The following TTN variants were observed in gnomAD, a reference collection of about 807,000 sequenced individuals.
The protein encoded by TTN is titin.
Under a neutral mutation model 3,223.0 loss-of-function variants are expected in TTN, and 1,525 were observed. That is an observed-to-expected ratio of 0.47 (90% CI 0.45 to 0.49). The LOEUF (loss-of-function observed/expected upper bound fraction) is 0.49. TTN is among the 20% of genes least tolerant of loss of function. The pLI, the probability that TTN is intolerant of heterozygous loss-of-function variation, is 0.00. For missense variants in TTN, 40,786 were observed against 43,424.0 expected (o/e 0.94, Z 5.40); for synonymous variants, 14,094 against 15,161.0 (o/e 0.93, Z 5.17).
At position 178,574,403 on chromosome 2, in the gene TTN, C is replaced by T. The variant is rs1060500509; in HGVS notation, c.71729G>A (p.Ser23910Asn). The T allele has an allele frequency of 2.5e-6, 4 of 1,613,424 alleles. No individual in the cohort carries two copies. Among genetic ancestry groups the T allele is most frequent in the Middle Eastern group, 1.6e-4 (1 of 6,076 alleles). The change falls in exon 326 of 363, where the codon AGT becomes AAT. Residue 23910 changes from serine (S) to asparagine (N), a missense_variant. Ser to Asn is a conservative substitution (Grantham distance 46). Coordinates refer to ENST00000589042, the MANE Select transcript of TTN (RefSeq NM_001267550.2). Reference sequence around the variant, plus strand: ...AGGTTCTGATGGCTTGCTTGGCTTACTTTTGCCTGCCATGTTTTCTGCAAT... The same window carrying T: ...AGGTTCTGATGGCTTGCTTGGCTTATTTTTGCCTGCCATGTTTTCTGCAAT... ...RVIAENMAGK[S>N]KPSKPSEPML...
chr2:178,799,752 G>C, intron 5 of TTN, 21 bp from the exon 6 acceptor site: 2 of 1,614,138 alleles, frequency 1.2e-6, no homozygotes, highest in Non-Finnish European at 1.7e-6. Flanking sequence ...TTAAAACAAA[G>C]CCCACGTTGA....
intron 156 of TTN, among the ~76,000 whole-genome samples, 173 bp downstream of exon 156, chr2:178,670,917 G>T (rs1290055667): frequency 6.6e-6 from 1 of 151,730 alleles, no homozygotes; most frequent in Non-Finnish European, 1.5e-5. Flanking sequence ...TCTTTTTTTG[G>T]TAGAACTTCC....
intron 77 of TTN, 33 bp from the exon 78 acceptor site, chr2:178,722,167 TTTG>T: frequency 6.5e-7 from 1 of 1,530,466 alleles, no homozygotes. Context: ...ATGTGTATTT[TTTG>T]TTTGTTTTTT....
chr2:178,738,572 C>T (rs2081938163), intron 48 of TTN, among the ~76,000 whole-genome samples: 1 of 152,040 alleles, frequency 6.6e-6, no homozygotes, highest in Admixed American at 6.5e-5. Flanking sequence ...CCTATTCAAT[C>T]ATTGCTTTGC....
Position 178,557,475 on chromosome 2 carries a change from A to G in TTN, c.87787T>C (p.Ser29263Pro). 6.2e-7 allele frequency: 1 copy of G among 1,613,900 alleles called. No individual in the cohort carries two copies. The change falls in exon 329 of 363, where the codon TCA becomes CCA. Residue 29263 changes from serine (S) to proline (P), a missense_variant. Transcript: ENST00000589042. ...SITVGWHEPV[S>P]NGGSAVVGYH... Reference sequence around the variant, plus strand: ...CCTACGACTGCACTGCCTCCATTTGACACTGGTTCATGCCAGCCCACAGTG... The same window carrying G: ...CCTACGACTGCACTGCCTCCATTTGGCACTGGTTCATGCCAGCCCACAGTG...
In TTN at chr2:178,570,902, T is replaced by C. The variant is rs1001172074; in HGVS notation, c.75230A>G (p.Tyr25077Cys). 17 of 1,613,446 alleles carry C rather than the reference T, an allele frequency of 1.1e-5. No homozygotes were observed. Among genetic ancestry groups the C allele is most frequent in the Non-Finnish European group, 1.4e-5 (17 of 1,179,624 alleles). Residue 25077 changes from tyrosine (Y) to cysteine (C), a missense_variant, in exon 326 of 363, where the codon TAT (tyrosine) becomes TGT (cysteine). Tyr to Cys is a radical substitution (Grantham distance 194). Coordinates refer to ENST00000589042, the MANE Select transcript of TTN (RefSeq NM_001267550.2). ...ATTTCGGGCTATAACCCGGAACTCA[T>C]ATCTGTGATCTTCAACTAGGCCAGT... is the stretch of plus-strand genomic sequence containing the variant. Reference protein sequence around the residue: ...EVTGLVEDHRYEFRVIARNAA... With the variant: ...EVTGLVEDHRCEFRVIARNAA...
rs1360084595 is a variant in TTN at position 178,541,293 on chromosome 2, A to G, written c.97784T>C (p.Met32595Thr). The change falls in exon 350 of 363, where the codon ATG (methionine) becomes ACG (threonine). Residue 32595 changes from methionine (M) to threonine (T), a missense_variant. Physicochemically the swap from Met to Thr is moderately conservative, Grantham distance 81. Coordinates refer to ENST00000589042, the MANE Select transcript of TTN (RefSeq NM_001267550.2). ...CAAAATGTCCTTACCAATTGGATCC[A>G]TGGCAACGATGGGTTTGGAAGGACG... ...PSRPSKPIVA[M>T]DPIAPPGKPQ... The G allele has an allele frequency of 6.6e-7, 1 of 1,509,944 alleles. No individual in the cohort carries two copies. The highest frequency in any genetic ancestry group is 1.4e-5 in the African/African-American group (1 of 72,656). The allele number at this position is 1,509,944 out of a possible 1,614,324, so 93.5% of individuals were successfully genotyped here.
chr2:178,527,202 G>T lies in TTN; in HGVS notation c.107786C>A (p.Thr35929Lys), dbSNP rs751035844. The change falls in exon 363 of 363, where the codon ACA becomes AAA. Residue 35929 changes from threonine to lysine, a missense_variant. Thr to Lys is a moderately conservative substitution (Grantham distance 78). Coordinates refer to ENST00000589042, the MANE Select transcript of TTN (RefSeq NM_001267550.2). ...AFTGEPTPEV[T>K]WSCGGRKIHS... is the part of the protein sequence containing the mutation. ...GATTTTTCTTCCACCACAGGACCAT[G>T]TTACTTCTGGGGTAGGCTCACCCGT... The T allele has an allele frequency of 1.8e-5, 29 of 1,613,830 alleles. No homozygotes were observed. The highest frequency in any genetic ancestry group is 8.5e-7 in the Non-Finnish European group (1 of 1,179,874).
intron 316 of TTN, 83 bp from the exon 317 acceptor site, chr2:178,580,692 T>C (rs960608626): frequency 4.6e-6 from 6 of 1,296,430 alleles, no homozygotes; most frequent in Non-Finnish European, 6.4e-6. Flanking sequence ...ACTCCTAAAA[T>C]ACATTTATTT....
rs145303398 is a variant in TTN at position 178,741,014 on chromosome 2, C to T, written c.12219G>A (p.Thr4073=). 11 of 1,613,918 alleles carry T rather than the reference C, an allele frequency of 6.8e-6. No individual in the cohort carries two copies. Among genetic ancestry groups the T allele is most frequent in the East Asian group, 6.7e-5 (3 of 44,874 alleles). Residue 4073 remains threonine (T), a synonymous_variant, in exon 48 of 363, where the codon ACG becomes ACA. Transcript: ENST00000589042. ...CTTTCAAAATGGTGTCTTTTACAAA[C>T]GTTGCAATTTCCTGCTCTGAGTCAA... ...EALDSEQEIA[T]FVKDTILKAA...
chr2:178,594,855 G>T (rs1012800349), intron 295 of TTN, among the ~76,000 whole-genome samples: 1 of 152,114 alleles, frequency 6.6e-6, no homozygotes, highest in African/African-American at 2.4e-5. Flanking sequence ...TGAGGAAATA[G>T]AGGTTTGTTG....
rs376052945 is a variant in TTN at position 178,704,440 on chromosome 2, A to G, written c.29963-33T>C. ...TGTGATACAACACGCATTTTGTTCA[A>G]TATCACACGCAGATGTGCTCAACAG... On this transcript the variant is annotated intron_variant, in intron 105 of 362. Coordinates refer to ENST00000589042, the MANE Select transcript of TTN (RefSeq NM_001267550.2). 3.3e-4 allele frequency: 529 copies of G among 1,605,220 alleles called. 1 individual carries two copies. Among genetic ancestry groups the G allele is most frequent in the Non-Finnish European group, 3.9e-4 (458 of 1,174,504 alleles).
At position 178,575,129 on chromosome 2, in the gene TTN, T is replaced by C. The variant is rs1453168470; in HGVS notation, c.71003A>G (p.Lys23668Arg). The change falls in exon 326 of 363, where the codon AAA (lysine) becomes AGA (arginine). Residue 23668 changes from lysine (K) to arginine (R), a missense_variant. Lys to Arg is a conservative substitution (Grantham distance 26, BLOSUM62 2). Coordinates refer to ENST00000589042, the MANE Select transcript of TTN (RefSeq NM_001267550.2). This position sits in a 1 kb window ranked among gnomAD's most constrained non-coding sequence, Gnocchi z 4.0. Reference protein sequence around the residue: ...LGRPKPTVTWKKGDQILKQTQ... With the variant: ...LGRPKPTVTWRKGDQILKQTQ... ...CTGTTTAAGAATTTGGTCTCCTTTT[T>C]TCCATGTCACTGTGGGCTTCGGTCG... The C allele has an allele frequency of 7.4e-6, 12 of 1,613,002 alleles. No homozygotes were observed. Among genetic ancestry groups the C allele is most frequent in the Non-Finnish European group, 1.0e-5 (12 of 1,179,426 alleles).
In TTN at chr2:178,633,916, T is replaced by C; in HGVS notation, c.42583A>G (p.Thr14195Ala). ...ACTTCTTTCATTTCCAATTTGTGAG[T>C]CTTGCCCTCAGAAGAGATGAGTACT... ...RTVLISSEGK[T>A]HKLEMKEVTL... The change falls in exon 231 of 363, where the codon ACT becomes GCT. Residue 14195 changes from threonine to alanine, a missense_variant. Physicochemically the swap from Thr to Ala is moderately conservative, Grantham distance 58. Coordinates refer to ENST00000589042, the MANE Select transcript of TTN (RefSeq NM_001267550.2). The C allele has an allele frequency of 6.2e-7, 1 of 1,613,444 alleles. No individual in the cohort carries two copies. Among genetic ancestry groups the C allele is most frequent in the Non-Finnish European group, 8.5e-7 (1 of 1,179,562 alleles).
intron 151 of TTN, 131 bp from the exon 152 acceptor site, chr2:178,673,841 A>G (rs1317665185): frequency 1.5e-6 from 1 of 661,466 alleles, no homozygotes; most frequent in Non-Finnish European, 2.5e-6. Flanking sequence ...AATGGTAATA[A>G]TAAATGTGGA....
At chr2:178,771,986 GA>G (rs1291008586) in intron 33 of TTN, among the ~76,000 whole-genome samples, 1 of 152,146 alleles carries the variant, frequency 6.6e-6, no homozygotes, top group Non-Finnish European at 1.5e-5. Flanking sequence ...TCCATTAGCA[GA>G]AATAATTACT....
rs181834965 is a variant in TTN, at chr2:178,756,840, C to A, written c.10679-43G>T. ...AAGAAAAAGAAAAGAATATTAAGAT[C>A]TAAGCTTTGTCACTTGCCCATGTTA... On this transcript the variant is annotated intron_variant, in intron 45 of 362. Coordinates refer to ENST00000589042, the MANE Select transcript of TTN (RefSeq NM_001267550.2). 14 of 1,565,814 alleles carry A rather than the reference C, an allele frequency of 8.9e-6. No homozygotes were observed. In the African/African-American group the frequency reaches 1.2e-4, roughly 14 times the overall value.
intron 167 of TTN, 35 bp downstream of exon 167, chr2:178,664,619 T>A (rs1387382348): frequency 1.4e-5 from 23 of 1,608,826 alleles, no homozygotes; most frequent in Non-Finnish European, 1.9e-5. Context: ...AGAAAAGACA[T>A]GTTCCCACCC....
In TTN at chr2:178,557,095, G is replaced by T. The variant is rs1311421658; in HGVS notation, c.88059C>A (p.Ser29353Arg). 9.3e-6 allele frequency: 15 copies of T among 1,613,582 alleles called. No homozygotes were observed. Among genetic ancestry groups the T allele is most frequent in the Non-Finnish European group, 1.3e-5 (15 of 1,179,788 alleles). Residue 29353 changes from serine to arginine, a missense_variant, in exon 330 of 363, where the codon AGC becomes AGA. Transcript: ENST00000589042. ...RITDISKNSV[S>R]LSWQQPAFDG... The stretch of plus-strand genomic sequence containing the variant: ...CGAAAGCTGGTTGTTGCCATGAAAG[G>T]CTGACAGAGTTCTTTGAAATATCAG...
Sources: allele counts gnomAD v4.1 joint callset (sites outside exome capture counted in the v4.1 genomes callset), GRCh38; gene constraint gnomAD v4.1.1; non-coding constraint Gnocchi (gnomAD v3.1); transcripts MANE v1.5; gene names NCBI Gene and HGNC (gene_info 2026-07-23, HGNC 2026-07-21).